The following CD38 variants were observed in gnomAD, a reference collection of about 807,000 sequenced individuals.
CD38 encodes CD38 molecule, also known as ADP-ribosyl cyclase/cyclic ADP-ribose hydrolase 1.
CD38 carries 31 observed loss-of-function variants against 36.3 expected under a neutral mutation model. The ratio of observed to expected loss-of-function variants is 0.85; its 90% CI spans 0.64 to 1.15. The LOEUF (loss-of-function observed/expected upper bound fraction) is 1.15, where lower values mean the gene tolerates loss of function less well. CD38 is among the 50% of genes most tolerant of loss of function. The probability of loss-of-function intolerance (pLI) is 0.00; values close to 1 mark genes in which losing one functional copy is unlikely to be tolerated. For synonymous variants in CD38, 131 were observed against 135.2 expected (o/e 0.97, Z 0.22); for missense variants, 380 against 371.9 (o/e 1.02, Z -0.18).
At chr4:15,820,382 A>G (rs1294539998) in intron 2 of CD38, among the ~76,000 whole-genome samples, 4 of 152,180 alleles carry the variant, frequency 2.6e-5, no homozygotes, top group Non-Finnish European at 4.4e-5. Context: ...TGTCCCAACT[A>G]AAAGACATGG....
At chr4:15,829,304 CATA>C (rs1029578017) in intron 3 of CD38, among the ~76,000 whole-genome samples, 8 of 152,104 alleles carry the variant, frequency 5.3e-5, no homozygotes, top group Admixed American at 5.2e-4. Context: ...ATATACAGTG[CATA>C]ATAATTACAT....
At chr4:15,824,701 C>T (rs982317112) in intron 2 of CD38, among the ~76,000 whole-genome samples, 180 bp from the exon 3 acceptor site, 2 of 151,716 alleles carry the variant, frequency 1.3e-5, no homozygotes, top group African/African-American at 2.4e-5. Flanking sequence ...CACACACACA[C>T]TCTCTCTCCG....
intron 1 of CD38, among the ~76,000 whole-genome samples, chr4:15,789,030 G>T (rs545936328): frequency 2.6e-5 from 4 of 152,248 alleles, no homozygotes; most frequent in South Asian, 2.1e-4. Flanking sequence ...ATGGTAAATA[G>T]AAAAGACAAA....
At chr4:15,812,464 GAGGCGGGTGGA>G in intron 1 of CD38, among the ~76,000 whole-genome samples, 1 of 152,276 alleles carries the variant, frequency 6.6e-6, no homozygotes, top group East Asian at 1.9e-4. Flanking sequence ...TTGGGAGGCC[GAGGCGGGTGGA>G]TCACGAGCTC....
intron 1 of CD38, among the ~76,000 whole-genome samples, chr4:15,795,702 T>C (rs1723091620): frequency 6.6e-6 from 1 of 152,160 alleles, no homozygotes; most frequent in South Asian, 2.1e-4. Flanking sequence ...ATTAATTTTT[T>C]TTCTATTATA....
intron 3 of CD38, among the ~76,000 whole-genome samples, chr4:15,833,267 C>T (rs570923530): frequency 7.2e-4 from 109 of 152,336 alleles, no homozygotes; most frequent in African/African-American, 2.5e-3. Context: ...ACCCAAGGCC[C>T]ATGACATACT....
intron 7 of CD38, among the ~76,000 whole-genome samples, chr4:15,841,733 C>T (rs1312110237): frequency 6.7e-6 from 1 of 148,508 alleles, no homozygotes; most frequent in East Asian, 2.0e-4. Context: ...CAGGGCGAGG[C>T]ATTGCCTCAC....
chr4:15,803,733 ATGAT>A, intron 1 of CD38, among the ~76,000 whole-genome samples: 1 of 152,202 alleles, frequency 6.6e-6, no homozygotes, highest in South Asian at 2.1e-4. Flanking sequence ...GTTTCAGAAT[ATGAT>A]TGAACCCATC....
intron 1 of CD38, among the ~76,000 whole-genome samples, chr4:15,795,328 T>C (rs1723084360): frequency 6.6e-6 from 1 of 152,092 alleles, no homozygotes; most frequent in Non-Finnish European, 1.5e-5. Flanking sequence ...TACCTTTTTT[T>C]CAGCAAAATA....
At chr4:15,797,244 G>C (rs923526100) in intron 1 of CD38, among the ~76,000 whole-genome samples, 1 of 152,040 alleles carries the variant, frequency 6.6e-6, no homozygotes, top group Non-Finnish European at 1.5e-5. Flanking sequence ...ATATATTTTT[G>C]TGATTTTAAT....
rs552034685 is a variant in CD38, at chr4:15,806,134, G to A, written c.234-10377G>A. Among the ~76,000 whole-genome samples, 9 of 152,320 alleles carry A rather than the reference G, an allele frequency of 5.9e-5. No individual in the cohort carries two copies. In the South Asian group the frequency reaches 1.9e-3, roughly 32 times the overall value. On this transcript the variant is annotated intron_variant, in intron 1 of 7. Transcript: ENST00000226279. The stretch of plus-strand genomic sequence containing the variant: ...CTGTGACACCTGAAGTAGGCTGACC[G>A]CAGACAAATTGGATTTAACCACCAA...
chr4:15,802,491 G>A (rs1222248389), intron 1 of CD38, among the ~76,000 whole-genome samples: 5 of 134,110 alleles, frequency 3.7e-5, no homozygotes, highest in Non-Finnish European at 8.1e-5. Flanking sequence ...GCAATTGTTT[G>A]TTTTATTTTA....
chr4:15,841,713 C>T (rs948174177), intron 7 of CD38, among the ~76,000 whole-genome samples: 7 of 147,656 alleles, frequency 4.7e-5, no homozygotes, highest in South Asian at 4.4e-4. Flanking sequence ...ACACCGTGCG[C>T]GAGCCGAAGC....
intron 1 of CD38, among the ~76,000 whole-genome samples, chr4:15,791,643 G>A (rs1456644119): frequency 5.3e-5 from 5 of 95,118 alleles, no homozygotes; most frequent in African/African-American, 2.7e-4. Flanking sequence ...TCAGCCCCCT[G>A]CCCGGCCAGC....
chr4:15,799,289 A>T (rs959260264), intron 1 of CD38, among the ~76,000 whole-genome samples: 2 of 151,968 alleles, frequency 1.3e-5, no homozygotes, highest in African/African-American at 4.8e-5. Context: ...GGGTTTTCTG[A>T]TGCCACTTCT....
At chr4:15,848,390 G>C in intron 7 of CD38, 149 bp from the exon 8 acceptor site, 3 of 523,590 alleles carry the variant, frequency 5.7e-6, no homozygotes, top group Admixed American at 5.7e-5. Flanking sequence ...CTCCCCTCCC[G>C]ACATGTCACT....
chr4:15,801,721 AAC>A (rs535395009), intron 1 of CD38, among the ~76,000 whole-genome samples: 1 of 152,176 alleles, frequency 6.6e-6, no homozygotes, highest in South Asian at 2.1e-4. Context: ...GATGCAGAAA[AAC>A]AGTTGATAAA....
chr4:15,838,281 G>C (rs978861904), intron 5 of CD38, 116 bp downstream of exon 5: 9 of 789,856 alleles, frequency 1.1e-5, no homozygotes, highest in Non-Finnish European at 1.8e-5. Flanking sequence ...GAAGATTAGG[G>C]CCAAAAAAGG....
intron 1 of CD38, among the ~76,000 whole-genome samples, chr4:15,790,655 A>G (rs1010820878): frequency 6.7e-6 from 1 of 149,540 alleles, no homozygotes; most frequent in African/African-American, 2.5e-5. Flanking sequence ...GGATATGAGG[A>G]GCCTCTCTGC....
Sources: allele counts gnomAD v4.1 joint callset (sites outside exome capture counted in the v4.1 genomes callset), GRCh38; gene constraint gnomAD v4.1.1; transcripts MANE v1.5; gene names NCBI Gene and HGNC (gene_info 2026-07-23, HGNC 2026-07-21).